MAML3: variants seen among roughly 807,000 people sequenced by gnomAD.
The protein encoded by MAML3 is mastermind like transcriptional coactivator 3.
MAML3 carries 27 observed loss-of-function variants against 101.9 expected under a neutral mutation model. The observed-to-expected ratio is 0.27, with a 90% CI of 0.20 to 0.37. The LOEUF is 0.37. Among genes scored for constraint, MAML3 ranks in the 10% least tolerant of loss-of-function variants. MAML3 has a pLI of 1.00. For missense variants in MAML3, 1,316 were observed against 1,444.9 expected (o/e 0.91, Z 1.45); for synonymous variants, 501 against 555.9 (o/e 0.90, Z 1.39).
chr4:139,879,694 C>T (rs1732181760), intron 2 of MAML3, among the ~76,000 whole-genome samples: 1 of 140,326 alleles, frequency 7.1e-6, no homozygotes, highest in Non-Finnish European at 1.5e-5. Context: ...CCCAGATCTA[C>T]AGATTCTGGG....
At chr4:139,745,496 G>A (rs946342893) in intron 2 of MAML3, among the ~76,000 whole-genome samples, 4 of 152,072 alleles carry the variant, frequency 2.6e-5, no homozygotes, top group African/African-American at 9.7e-5. Flanking sequence ...TTGACTGTGG[G>A]AACTGAAAAA....
intron 1 of MAML3, among the ~76,000 whole-genome samples, chr4:140,090,579 C>G (rs1728026988): frequency 6.6e-6 from 1 of 152,238 alleles, no homozygotes; most frequent in Non-Finnish European, 1.5e-5. Context: ...AAACAATGTT[C>G]TCAAGGTCAA....
At chr4:139,806,469 A>G (rs1730701803) in intron 2 of MAML3, among the ~76,000 whole-genome samples, 1 of 152,154 alleles carries the variant, frequency 6.6e-6, no homozygotes, top group African/African-American at 2.4e-5. Context: ...CAATTCCTAA[A>G]GCTGGATAAG....
At chr4:140,072,500 G>A (rs1162975712) in intron 1 of MAML3, among the ~76,000 whole-genome samples, 1 of 151,794 alleles carries the variant, frequency 6.6e-6, no homozygotes, top group African/African-American at 2.4e-5. Flanking sequence ...AAGAAACCTC[G>A]TCTCTACTAA....
intron 1 of MAML3, among the ~76,000 whole-genome samples, chr4:139,918,662 C>G (rs769653): frequency 0.64 from 97,670 of 152,040 alleles, 31,763 homozygotes; most frequent in East Asian, 0.91. Context: ...TGCAGACAAG[C>G]ACCTAGTCTG....
At chr4:140,117,081 T>A (rs1728528487) in intron 1 of MAML3, among the ~76,000 whole-genome samples, 1 of 152,186 alleles carries the variant, frequency 6.6e-6, no homozygotes. Context: ...TTAGAAAAAT[T>A]TTAAAGTTCT....
chr4:140,081,290 A>C (rs1388226011), intron 1 of MAML3, among the ~76,000 whole-genome samples: 1 of 152,164 alleles, frequency 6.6e-6, no homozygotes, highest in African/African-American at 2.4e-5. Flanking sequence ...GTACATGAAC[A>C]CAAAATGTAA....
chr4:140,111,632 T>C (rs1728440437), intron 1 of MAML3, among the ~76,000 whole-genome samples: 2 of 152,356 alleles, frequency 1.3e-5, no homozygotes, highest in East Asian at 1.9e-4. Flanking sequence ...AATGATTTGA[T>C]AGAATAGAGC....
At chr4:139,837,549 G>A (rs906992641) in intron 2 of MAML3, among the ~76,000 whole-genome samples, 3 of 151,934 alleles carry the variant, frequency 2.0e-5, no homozygotes, top group Non-Finnish European at 4.4e-5. Flanking sequence ...CACTTTTACC[G>A]CAAGAGCACA....
chr4:140,034,656 C>T (rs1726957086), intron 1 of MAML3, among the ~76,000 whole-genome samples: 1 of 152,158 alleles, frequency 6.6e-6, no homozygotes, highest in Non-Finnish European at 1.5e-5. Flanking sequence ...GGATTCAAAC[C>T]AAGTCTGATG....
chr4:139,994,717 C>T (rs1305449654), intron 1 of MAML3, among the ~76,000 whole-genome samples: 1 of 151,810 alleles, frequency 6.6e-6, no homozygotes, highest in Non-Finnish European at 1.5e-5. Flanking sequence ...GTATATTAAT[C>T]TTGTATCTTG....
intron 2 of MAML3, among the ~76,000 whole-genome samples, chr4:139,775,292 C>G (rs1019111655): frequency 2.6e-5 from 4 of 152,166 alleles, no homozygotes; most frequent in African/African-American, 9.7e-5. Context: ...GCTAGGCAGG[C>G]AGTCAGAAGA....
intron 1 of MAML3, among the ~76,000 whole-genome samples, chr4:140,038,991 C>A (rs999795838): frequency 6.6e-6 from 1 of 151,948 alleles, no homozygotes; most frequent in African/African-American, 2.4e-5. Flanking sequence ...TGGCAGCATG[C>A]GCCTATGATC....
chr4:139,900,726 A>T (rs1488083412), intron 1 of MAML3, among the ~76,000 whole-genome samples: 1 of 152,222 alleles, frequency 6.6e-6, no homozygotes, highest in Non-Finnish European at 1.5e-5. Context: ...TGATTTTCAA[A>T]TCTCACGTAG....
In MAML3 at chr4:139,720,153, T is replaced by G; in HGVS notation, c.2587A>C (p.Thr863Pro). The change falls in exon 5 of 5, where the codon ACC becomes CCC. Residue 863 changes from threonine (T) to proline (P), a missense_variant. By Grantham distance (38) the Thr-to-Pro change is conservative. Transcript: ENST00000509479. ...QSEMGLAPYS[T>P]TPTSQPGMYN... ...ATTCCTGGTTGGCTGGTAGGCGTGG[T>G]GCTATAAGGGGCCAGTCCCATCTCC... 1 of 1,614,042 alleles carries G rather than the reference T, an allele frequency of 6.2e-7. No individual in the cohort carries two copies. The highest frequency in any genetic ancestry group is 8.5e-7 in the Non-Finnish European group (1 of 1,179,906).
intron 2 of MAML3, among the ~76,000 whole-genome samples, chr4:139,880,692 T>C (rs542226457): frequency 1.8e-4 from 28 of 152,202 alleles, no homozygotes; most frequent in Non-Finnish European, 2.9e-4. Flanking sequence ...TTTGGTTTTG[T>C]GAAACCCACT....
At chr4:139,905,219 G>A (rs554749858) in intron 1 of MAML3, among the ~76,000 whole-genome samples, 123 of 152,284 alleles carry the variant, frequency 8.1e-4, no homozygotes, top group South Asian at 2.1e-3. Context: ...AGGGCTGGGC[G>A]CAGTGGCTCA....
At chr4:139,860,586 C>G (rs1258134317) in intron 2 of MAML3, among the ~76,000 whole-genome samples, 1 of 152,216 alleles carries the variant, frequency 6.6e-6, no homozygotes. Context: ...GCTTTGTCCA[C>G]CGTCCTGCAC....
At chr4:140,077,080 C>T (rs1016386453) in intron 1 of MAML3, among the ~76,000 whole-genome samples, 10 of 151,944 alleles carry the variant, frequency 6.6e-5, no homozygotes, top group African/African-American at 1.2e-4. Flanking sequence ...TGGGGTTTCG[C>T]CATGTTGGCC....
Sources: allele counts gnomAD v4.1 joint callset (sites outside exome capture counted in the v4.1 genomes callset), GRCh38; gene constraint gnomAD v4.1.1; transcripts MANE v1.5; gene names NCBI Gene and HGNC (gene_info 2026-07-23, HGNC 2026-07-21).